FCHSD2: variants seen among roughly 807,000 people sequenced by gnomAD.
FCHSD2 encodes the protein FCH and double SH3 domains 2.
FCHSD2 carries 38 observed loss-of-function variants against 108.1 expected under a neutral mutation model. That is an observed-to-expected ratio of 0.35 (90% confidence interval 0.27 to 0.46). The LOEUF (loss-of-function observed/expected upper bound fraction) is 0.46, where lower values mean the gene tolerates loss of function less well. Ranked by LOEUF, FCHSD2 falls within the 20% of genes least tolerant of loss-of-function variation. FCHSD2 has a pLI of 1.00. For synonymous variants in FCHSD2, 279 were observed against 314.7 expected (o/e 0.89, Z 1.20); for missense variants, 751 against 897.8 (o/e 0.84, Z 2.09).
intron 8 of FCHSD2, among the ~76,000 whole-genome samples, chr11:72,936,607 T>A (rs568847706): frequency 6.6e-6 from 1 of 152,314 alleles, no homozygotes; most frequent in South Asian, 2.1e-4. Flanking sequence ...AGACTCCATC[T>A]CTAATTTAGA....
chr11:73,119,483 C>T (rs1368643130), intron 2 of FCHSD2, among the ~76,000 whole-genome samples: 4 of 152,074 alleles, frequency 2.6e-5, no homozygotes, highest in African/African-American at 9.7e-5. Flanking sequence ...TTTTTTAATA[C>T]ATATGGGGTC....
Position 72,887,478 on chromosome 11 carries a change from T to G in FCHSD2, c.1138A>C (p.Lys380Gln). 6.2e-7 allele frequency: 1 copy of G among 1,603,478 alleles called. No homozygotes were observed. Among genetic ancestry groups the G allele is most frequent in the Non-Finnish European group, 8.5e-7 (1 of 1,175,064 alleles). The part of the protein sequence containing the change: ...KIDEARENIR[K>Q]AEIIKLKAEA... Reference sequence around the variant, plus strand: ...ATTAGCTGCCACCTTACCTCTGCTTTACGAATATTTTCTCTAGCTTCATCT... The same window carrying G: ...ATTAGCTGCCACCTTACCTCTGCTTGACGAATATTTTCTCTAGCTTCATCT... The change falls in exon 12 of 20, where the codon AAA becomes CAA. Residue 380 changes from lysine (K) to glutamine (Q), a missense_variant. Transcript: ENST00000409418.
intron 4 of FCHSD2, among the ~76,000 whole-genome samples, chr11:73,014,395 C>T (rs7946651): frequency 0.22 from 34,002 of 151,902 alleles, 4,586 homozygotes; most frequent in Middle Eastern, 0.37. Flanking sequence ...TCCCAAAGTG[C>T]TAGGATTACA....
intron 2 of FCHSD2, among the ~76,000 whole-genome samples, chr11:73,113,691 T>G (rs1336547196): frequency 2.0e-5 from 3 of 151,996 alleles, no homozygotes; most frequent in African/African-American, 7.3e-5. Flanking sequence ...CTTGGGAAAG[T>G]TTTCCAGGCA....
rs753650296 is a variant in FCHSD2 at position 73,140,118 on chromosome 11, G to A, written c.32C>T (p.Thr11Ile). The change falls in exon 2 of 20, where the codon ACA becomes ATA. Residue 11 changes from threonine (T) to isoleucine (I), a missense_variant. Transcript: ENST00000409418. ...AACTTGAATGTTTTTCAGTTCTTGTGTAACTTTCACCTAAAATATACCATA... is the reference window on the plus strand; with the variant it reads ...AACTTGAATGTTTTTCAGTTCTTGTATAACTTTCACCTAAAATATACCATA... Reference protein sequence around the residue: MQPPPRKVKVTQELKNIQVEQ... With the variant: MQPPPRKVKVIQELKNIQVEQ... 2.0e-5 allele frequency: 30 copies of A among 1,535,584 alleles called. No homozygotes were observed. Among genetic ancestry groups the A allele is most frequent in the Non-Finnish European group, 2.5e-5 (29 of 1,138,046 alleles).
In FCHSD2 at chr11:73,096,987, A is replaced by ATTTTTTTTTTTTTTTTTTTTT. The variant is rs60223064; in HGVS notation, c.120-13268_120-13248dup. ...CTAATGTGATGTATTTCATTGATGG[A>ATTTTTTTTTTTTTTTTTTTTT]TTTTTTTTTTTTTTTTTTTTTTTTT... On this transcript the variant is annotated intron_variant, in intron 2 of 19. Transcript: ENST00000409418. Among the ~76,000 whole-genome samples, 181 of 27,040 alleles carry ATTTTTTTTTTTTTTTTTTTTT rather than the reference A, an allele frequency of 6.7e-3. 65 individuals are homozygous for ATTTTTTTTTTTTTTTTTTTTT. Among genetic ancestry groups the ATTTTTTTTTTTTTTTTTTTTT allele is most frequent in the East Asian group, 0.018 (10 of 566 alleles). 17.7% of individuals were successfully genotyped at this position (27,040 alleles called of 152,430 possible).
chr11:72,922,057 T>A, intron 8 of FCHSD2, 107 bp from the exon 9 acceptor site: 1 of 675,686 alleles, frequency 1.5e-6, no homozygotes, highest in Non-Finnish European at 2.4e-6. Flanking sequence ...AATTTATTAT[T>A]AATAATAAAT....
At chr11:72,949,451 C>CAAAG (rs976680010) in intron 8 of FCHSD2, among the ~76,000 whole-genome samples, 1 of 149,488 alleles carries the variant, frequency 6.7e-6, no homozygotes, top group African/African-American at 2.5e-5. Context: ...AACTCCATCT[C>CAAAG]AAAGAAAGAA....
intron 2 of FCHSD2, among the ~76,000 whole-genome samples, chr11:73,090,516 C>T (rs909736924): frequency 3.3e-4 from 50 of 152,192 alleles, no homozygotes; most frequent in African/African-American, 1.2e-3. Flanking sequence ...TGAGCCACCG[C>T]GCGCGGCCTA....
At chr11:73,066,980 C>G (rs1244769111) in intron 3 of FCHSD2, among the ~76,000 whole-genome samples, 1 of 152,102 alleles carries the variant, frequency 6.6e-6, no homozygotes, top group Admixed American at 6.5e-5. Context: ...ATCCCCTTTA[C>G]CAGGTATATA....
chr11:72,904,118 G>A lies in FCHSD2; in HGVS notation c.829-1480C>T, dbSNP rs561927506. Among the ~76,000 whole-genome samples the A allele has an allele frequency of 1.1e-3, 172 of 152,362 alleles. 1 individual carries two copies. Among genetic ancestry groups the A allele is most frequent in the South Asian group, 5.8e-3 (28 of 4,830 alleles). ...AAGGTGATATTTAATCCAGGCCGATGATGGGGTGAGATGAGGTGAGGAGTT... is the reference window on the plus strand; with the variant it reads ...AAGGTGATATTTAATCCAGGCCGATAATGGGGTGAGATGAGGTGAGGAGTT... On this transcript the variant is annotated intron_variant, in intron 9 of 19. Coordinates refer to ENST00000409418, the MANE Select transcript of FCHSD2 (RefSeq NM_014824.3).
intron 2 of FCHSD2, among the ~76,000 whole-genome samples, chr11:73,138,604 ATTTT>A (rs535753859): frequency 4.2e-5 from 5 of 119,746 alleles, no homozygotes; most frequent in African/African-American, 6.1e-5. Context: ...TTGCACAGGA[ATTTT>A]TTTTTTTTTT....
At chr11:73,091,101 G>C (rs1217993614) in intron 2 of FCHSD2, among the ~76,000 whole-genome samples, 2 of 152,110 alleles carry the variant, frequency 1.3e-5, no homozygotes, top group Admixed American at 1.3e-4. Flanking sequence ...TACTTCATTT[G>C]TTTTTATGGC....
At chr11:72,990,962 T>C (rs1394961199) in intron 5 of FCHSD2, among the ~76,000 whole-genome samples, 1 of 151,966 alleles carries the variant, frequency 6.6e-6, no homozygotes, top group Non-Finnish European at 1.5e-5. Context: ...GATAGACTAC[T>C]AGCAAGACTA....
chr11:73,126,369 A>AAAAAAG (rs1860858811), intron 2 of FCHSD2, among the ~76,000 whole-genome samples: 1 of 147,910 alleles, frequency 6.8e-6, no homozygotes, highest in Non-Finnish European at 1.5e-5. Flanking sequence ...AAAAAAAAAA[A>AAAAAAG]ATTCCACAAT....
intron 3 of FCHSD2, among the ~76,000 whole-genome samples, chr11:73,057,384 TTAAAGCA>T (rs1408752904): frequency 1.3e-5 from 2 of 152,132 alleles, no homozygotes; most frequent in Non-Finnish European, 2.9e-5. Flanking sequence ...GAAGAGAAAC[TTAAAGCA>T]TTCCACCAGG....
chr11:73,023,467 G>A lies in FCHSD2; in HGVS notation c.166-7582C>T, dbSNP rs72982858. On this transcript the variant is annotated intron_variant, in intron 3 of 19. Coordinates refer to ENST00000409418, the MANE Select transcript of FCHSD2 (RefSeq NM_014824.3). The stretch of plus-strand genomic sequence containing the variant: ...CAGCATCACTTGTCATTACGGAAAT[G>A]CAAACTAAAATAATGTGGTACCACT... 7.7e-3 allele frequency among the ~76,000 whole-genome samples: 1,175 copies of A among 152,272 alleles called. 11 individuals are homozygous for A. Among genetic ancestry groups the A allele is most frequent in the African/African-American group, 0.027 (1,114 of 41,570 alleles).
At chr11:72,934,159 TC>T (rs1474020873) in intron 8 of FCHSD2, among the ~76,000 whole-genome samples, 1 of 116,896 alleles carries the variant, frequency 8.6e-6, no homozygotes, top group African/African-American at 3.2e-5. Context: ...TTACAACAAA[TC>T]ATAAAAGTAT....
At chr11:73,134,927 C>T (rs1349475420) in intron 2 of FCHSD2, among the ~76,000 whole-genome samples, 1 of 152,172 alleles carries the variant, frequency 6.6e-6, no homozygotes, top group Non-Finnish European at 1.5e-5. Flanking sequence ...TCACTGCAAC[C>T]TCCACCTCCC....
Sources: allele counts gnomAD v4.1 joint callset (sites outside exome capture counted in the v4.1 genomes callset), GRCh38; gene constraint gnomAD v4.1.1; transcripts MANE v1.5; gene names NCBI Gene and HGNC (gene_info 2026-07-23, HGNC 2026-07-21).